The following KCNG3 variants were observed in gnomAD, a reference collection of about 807,000 sequenced individuals.
KCNG3 encodes potassium voltage-gated channel modifier subfamily G member 3.
Under a neutral mutation model 29.0 loss-of-function variants are expected in KCNG3, and 15 were observed. That is an observed-to-expected ratio of 0.52 (90% confidence interval 0.35 to 0.80). The LOEUF is 0.80. KCNG3 is among the 30% of genes least tolerant of loss of function. KCNG3 has a pLI of 0.01. For synonymous variants in KCNG3, 322 were observed against 248.9 expected, an observed-to-expected ratio of 1.29 and a Z score of -2.76; for missense variants, 512 against 605.7, an observed-to-expected ratio of 0.85 and a Z score of 1.62.
At chr2:42,452,245 T>TATATATATATA (rs1558376128) in intron 1 of KCNG3, among the ~76,000 whole-genome samples, 6 of 47,434 alleles carry the variant, frequency 1.3e-4, no homozygotes, top group East Asian at 2.2e-3. Flanking sequence ...ATATATATAT[T>TATATATATATA]TTTTTTTTTT....
At chr2:42,423,195 T>G in the KCNG3 span, among the ~76,000 whole-genome samples, 1 of 152,248 alleles carries the variant, frequency 6.6e-6, no homozygotes, top group African/African-American at 2.4e-5. Context: ...CTGCTCTCTT[T>G]CTATCTCTCT....
chr2:42,489,527 A>T (rs1449536538), intron 1 of KCNG3, among the ~76,000 whole-genome samples: 1 of 152,226 alleles, frequency 6.6e-6, no homozygotes, highest in East Asian at 1.9e-4. Context: ...CCATCACGCT[A>T]AGAAGGATAT....
intron 1 of KCNG3, among the ~76,000 whole-genome samples, chr2:42,486,295 T>C (rs996560754): frequency 6.6e-6 from 1 of 152,180 alleles, no homozygotes; most frequent in African/African-American, 2.4e-5. Context: ...ACCCACATAA[T>C]TCACCTGAAT....
chr2:42,480,758 TAAAA>T (rs11338189), intron 1 of KCNG3, among the ~76,000 whole-genome samples: 3 of 122,688 alleles, frequency 2.4e-5, no homozygotes, highest in Admixed American at 8.5e-5. Context: ...AACCCCATCT[TAAAA>T]AAAAAAAAAA....
chr2:42,423,226 C>T, the KCNG3 span, among the ~76,000 whole-genome samples: 1 of 152,182 alleles, frequency 6.6e-6, no homozygotes. Flanking sequence ...CTACGGAAAC[C>T]ACTCCCATTG....
chr2:42,410,044 A>G, the KCNG3 span, among the ~76,000 whole-genome samples: 1 of 152,062 alleles, frequency 6.6e-6, no homozygotes, highest in Non-Finnish European at 1.5e-5. Flanking sequence ...CCCTTCCCAC[A>G]CAAAAGGTGG....
chr2:42,452,852 A>G (rs1672796460), intron 1 of KCNG3, among the ~76,000 whole-genome samples: 7 of 151,942 alleles, frequency 4.6e-5, no homozygotes, highest in Admixed American at 4.6e-4. Context: ...TGTGATCTAG[A>G]CTCACTGCAA....
At chr2:42,440,664 C>T (rs538801548), downstream of KCNG3, among the ~76,000 whole-genome samples, 11 of 152,228 alleles carry the variant, frequency 7.2e-5, no homozygotes, top group Non-Finnish European at 1.2e-4. Flanking sequence ...GTGGAAATAA[C>T]TTTTCAGAAA....
the KCNG3 span, among the ~76,000 whole-genome samples, chr2:42,407,229 G>T: frequency 6.7e-6 from 1 of 148,478 alleles, no homozygotes; most frequent in African/African-American, 2.5e-5. Context: ...CCAGGCTGGA[G>T]TGCAGTGGTG....
chr2:42,450,231 G>C (rs142276871), intron 1 of KCNG3, among the ~76,000 whole-genome samples: 1 of 152,176 alleles, frequency 6.6e-6, no homozygotes, highest in Non-Finnish European at 1.5e-5. Context: ...AAGTAAGCTC[G>C]TCTGTAATGA....
At chr2:42,436,874 T>TA in the KCNG3 span, among the ~76,000 whole-genome samples, 333 of 152,320 alleles carry the variant, frequency 2.2e-3, no homozygotes, top group African/African-American at 7.7e-3. Context: ...TTGACCCTTA[T>TA]ACAAGAATGC....
the KCNG3 span, among the ~76,000 whole-genome samples, chr2:42,395,169 C>G: frequency 6.6e-6 from 1 of 152,180 alleles, no homozygotes. Context: ...ATAAAGGATA[C>G]AAGCCCATGG....
the KCNG3 span, among the ~76,000 whole-genome samples, chr2:42,398,718 A>T: frequency 6.6e-6 from 1 of 152,222 alleles, no homozygotes; most frequent in African/African-American, 2.4e-5. Flanking sequence ...AAATGTTCTC[A>T]CGTATCCAAG....
chr2:42,391,595 CTTTT>C, the KCNG3 span, among the ~76,000 whole-genome samples: 41 of 88,102 alleles, frequency 4.7e-4, no homozygotes, highest in African/African-American at 1.7e-3. Flanking sequence ...TTTTATATCT[CTTTT>C]TTTTTTTTTT....
the KCNG3 span, among the ~76,000 whole-genome samples, chr2:42,427,550 G>A: frequency 2.2e-4 from 33 of 151,776 alleles, no homozygotes; most frequent in Admixed American, 9.8e-4. Context: ...AGGCTGCAGT[G>A]AGCCATTATC....
At chr2:42,423,947 A>C in the KCNG3 span, among the ~76,000 whole-genome samples, 1 of 152,158 alleles carries the variant, frequency 6.6e-6, no homozygotes, top group Non-Finnish European at 1.5e-5. Flanking sequence ...ATTCATTTTG[A>C]AGATATGTCC....
At chr2:42,403,506 G>A in the KCNG3 span, among the ~76,000 whole-genome samples, 1 of 127,498 alleles carries the variant, frequency 7.8e-6, no homozygotes, top group African/African-American at 3.0e-5. Flanking sequence ...TTGAGACAGA[G>A]TCTCACTCTG....
At chr2:42,477,426 TA>T (rs537222962) in intron 1 of KCNG3, among the ~76,000 whole-genome samples, 10,377 of 41,010 alleles carry the variant, frequency 0.25, 738 homozygotes, top group South Asian at 0.38. Context: ...CACACACATA[TA>T]TTTTTTTTTT....
intron 1 of KCNG3, among the ~76,000 whole-genome samples, chr2:42,488,915 T>C (rs1016498937): frequency 2.0e-5 from 3 of 152,040 alleles, no homozygotes; most frequent in Non-Finnish European, 2.9e-5. Context: ...TGAAATGTTA[T>C]ATAAACAATA....
Sources: allele counts gnomAD v4.1 joint callset (sites outside exome capture counted in the v4.1 genomes callset), GRCh38; gene constraint gnomAD v4.1.1; transcripts MANE v1.5; gene names NCBI Gene and HGNC (gene_info 2026-07-23, HGNC 2026-07-21).